The following KSR2 variants were observed in gnomAD, a reference collection of about 807,000 sequenced individuals.
KSR2 encodes the protein kinase suppressor of ras 2.
A neutral mutation model predicts 107.8 loss-of-function variants in KSR2; 25 were observed. That is an observed-to-expected ratio of 0.23 (90% CI 0.17 to 0.32). KSR2 has a LOEUF of 0.32. Ranked by LOEUF, KSR2 falls within the 10% of genes least tolerant of loss-of-function variation. The pLI, the probability that KSR2 is intolerant of heterozygous loss-of-function variation, is 1.00. For synonymous variants in KSR2, 480 were observed against 507.0 expected, an observed-to-expected ratio of 0.95 and a Z score of 0.71; for missense variants, 887 against 1,268.9, an observed-to-expected ratio of 0.70 and a Z score of 4.57.
chr12:117,895,887 C>T (rs532688695), intron 1 of KSR2, among the ~76,000 whole-genome samples: 53 of 152,288 alleles, frequency 3.5e-4, no homozygotes, highest in Admixed American at 6.5e-4. Flanking sequence ...GGTGAAACCT[C>T]ATCTCTACTA....
chr12:117,596,050 C>G (rs1257086316), intron 5 of KSR2, among the ~76,000 whole-genome samples: 2 of 151,450 alleles, frequency 1.3e-5, no homozygotes, highest in Non-Finnish European at 2.9e-5. Context: ...TCCTTTTTCC[C>G]TTCCCTCCCC....
At chr12:117,926,793 T>A (rs908098770) in intron 1 of KSR2, among the ~76,000 whole-genome samples, 8 of 152,198 alleles carry the variant, frequency 5.3e-5, no homozygotes, top group African/African-American at 1.9e-4. Context: ...TCAGCAGGTA[T>A]CCTGGGAGAT....
intron 1 of KSR2, among the ~76,000 whole-genome samples, chr12:117,871,434 CA>C: frequency 6.6e-6 from 1 of 152,104 alleles, no homozygotes; most frequent in East Asian, 1.9e-4. Context: ...ACTAAAACTA[CA>C]AAAAATGGCC....
intron 3 of KSR2, among the ~76,000 whole-genome samples, chr12:117,802,854 G>A (rs1447658497): frequency 1.3e-5 from 2 of 152,206 alleles, no homozygotes; most frequent in Non-Finnish European, 2.9e-5. Context: ...ACAAGACAGT[G>A]TCATTCTTCA....
intron 5 of KSR2, among the ~76,000 whole-genome samples, chr12:117,623,598 AT>A (rs1882310790): frequency 6.6e-6 from 1 of 152,220 alleles, no homozygotes; most frequent in Non-Finnish European, 1.5e-5. Context: ...CATGGTGTAT[AT>A]GTGCCACATT....
At chr12:117,892,655 A>G (rs1353725001) in intron 1 of KSR2, among the ~76,000 whole-genome samples, 1 of 152,130 alleles carries the variant, frequency 6.6e-6, no homozygotes, top group Non-Finnish European at 1.5e-5. Context: ...ATGTATATAT[A>G]TCATCTGTGG....
intron 16 of KSR2, among the ~76,000 whole-genome samples, chr12:117,483,454 T>C (rs1211955246): frequency 2.0e-5 from 3 of 152,004 alleles, no homozygotes; most frequent in Non-Finnish European, 4.4e-5. Context: ...AGAGAAACTG[T>C]GGGGCTTTCT....
chr12:117,881,712 C>T (rs1894032796), intron 1 of KSR2, among the ~76,000 whole-genome samples: 1 of 152,204 alleles, frequency 6.6e-6, no homozygotes, highest in Non-Finnish European at 1.5e-5. Flanking sequence ...TGGACAACAG[C>T]AGAGCTGACC....
intron 14 of KSR2, among the ~76,000 whole-genome samples, chr12:117,512,991 G>T (rs1874127426): frequency 6.6e-6 from 1 of 152,046 alleles, no homozygotes; most frequent in African/African-American, 2.4e-5. Context: ...CCTCTCCTAG[G>T]ATTTCTGTAG....
chr12:117,799,647 T>C (rs1201675436), intron 3 of KSR2, among the ~76,000 whole-genome samples: 1 of 152,174 alleles, frequency 6.6e-6, no homozygotes, highest in Non-Finnish European at 1.5e-5. Flanking sequence ...GGATCAGGGA[T>C]CAAGCGGACT....
chr12:117,593,091 C>G (rs1239212308), intron 5 of KSR2, among the ~76,000 whole-genome samples: 1 of 152,120 alleles, frequency 6.6e-6, no homozygotes, highest in Non-Finnish European at 1.5e-5. Context: ...GCAAAGGCAG[C>G]TTGGAGACCT....
chr12:117,659,518 A>T (rs1198139582), intron 5 of KSR2, among the ~76,000 whole-genome samples: 1 of 152,310 alleles, frequency 6.6e-6, no homozygotes, highest in African/African-American at 2.4e-5. Flanking sequence ...CTTCCTTTGA[A>T]CTTCCACCAC....
At chr12:117,854,032 G>T (rs533446559) in intron 3 of KSR2, among the ~76,000 whole-genome samples, 1 of 151,938 alleles carries the variant, frequency 6.6e-6, no homozygotes, top group Non-Finnish European at 1.5e-5. Flanking sequence ...ACAGGATCTT[G>T]CTCTGTCACC....
intron 12 of KSR2, among the ~76,000 whole-genome samples, chr12:117,528,544 T>G (rs1279312336): frequency 6.6e-6 from 1 of 152,178 alleles, no homozygotes; most frequent in Non-Finnish European, 1.5e-5. Context: ...GAGGGGGTCC[T>G]GGTGAAAGAG....
chr12:117,691,735 A>G (rs1186074083), intron 4 of KSR2, among the ~76,000 whole-genome samples: 1 of 152,246 alleles, frequency 6.6e-6, no homozygotes, highest in Non-Finnish European at 1.5e-5. Flanking sequence ...GCAAGGTAGT[A>G]TATCTCATGG....
At chr12:117,925,112 T>C (rs149764679) in intron 1 of KSR2, among the ~76,000 whole-genome samples, 45 of 151,860 alleles carry the variant, frequency 3.0e-4, no homozygotes, top group African/African-American at 9.2e-4. Flanking sequence ...AAGTTTGTTA[T>C]ACTATATTTT....
chr12:117,475,130 A>C (rs569723816), intron 17 of KSR2, among the ~76,000 whole-genome samples: 1 of 152,134 alleles, frequency 6.6e-6, no homozygotes, highest in South Asian at 2.1e-4. Context: ...CTCCTTCTTC[A>C]TTCCATTCTC....
chr12:117,606,520 CCCTCCTTCCTTCCTGCCTCCCTG>C (rs1881266761), intron 5 of KSR2, among the ~76,000 whole-genome samples: 1 of 110,630 alleles, frequency 9.0e-6, no homozygotes, highest in Non-Finnish European at 1.9e-5. Context: ...TTCCTCCCTC[CCCTCCTTCCTTCCTGCCTCCCTG>C]CCTCCCTTCC....
intron 14 of KSR2, among the ~76,000 whole-genome samples, chr12:117,502,175 A>C (rs1297537781): frequency 1.3e-5 from 2 of 152,264 alleles, no homozygotes; most frequent in African/African-American, 4.8e-5. Context: ...ATTTATGCAC[A>C]CATGAACACA....
Sources: gnomAD v4.1 joint callset for allele counts (sites outside exome capture counted in the v4.1 genomes callset) on GRCh38, gnomAD v4.1.1 for gene constraint, MANE v1.5 for transcripts, NCBI Gene and HGNC (gene_info 2026-07-23, HGNC 2026-07-21) for gene names.